Variants in BCORL1 observed in about 807,000 individuals in gnomAD.
The protein encoded by BCORL1 is BCL6 corepressor like 1.
Under a neutral mutation model 87.6 loss-of-function variants are expected in BCORL1, and 7 were observed. The ratio of observed to expected loss-of-function variants is 0.08; its 90% CI spans 0.05 to 0.15. BCORL1 has a LOEUF of 0.15. BCORL1 is among the 10% of genes least tolerant of loss of function. The probability of loss-of-function intolerance (pLI) is 1.00; values close to 1 mark genes in which losing one functional copy is unlikely to be tolerated. For synonymous variants in BCORL1, 591 were observed against 634.4 expected (o/e 0.93, Z 1.03); for missense variants, 1,215 against 1,499.7 (o/e 0.81, Z 3.13).
rs185383485 is a variant in BCORL1, at chrX:130,035,954, G to A, written c.4527+1278G>A. The stretch of plus-strand genomic sequence containing the variant: ...TCTATATACAGCCAGCAGCACCCCT[G>A]ACACAGGCTGCACACACAGCCGCTC... On this transcript the variant is annotated intron_variant, in intron 9 of 13. Transcript: ENST00000540052. Among the ~76,000 whole-genome samples the A allele has an allele frequency of 6.6e-4, 75 of 112,904 alleles. 1 individual carries two copies. The East Asian group carries it at 0.018, about 27-fold the overall frequency.
In BCORL1 at chrX:130,002,737, C is replaced by A. The variant is rs180985435; in HGVS notation, c.-44-2451C>A. Among the ~76,000 whole-genome samples the A allele has an allele frequency of 3.9e-5, 4 of 102,933 alleles. No individual in the cohort carries two copies. In the East Asian group the frequency reaches 9.3e-4, roughly 24 times the overall value. The allele number at this position is 102,933 out of a possible 115,157, so 89.4% of individuals were successfully genotyped here. ...GAGGAGAAAGGCAAGAGGTGAACAGCTGGGAAAATAATAGGGGAGAGAAAG... is the reference window on the plus strand; with the variant it reads ...GAGGAGAAAGGCAAGAGGTGAACAGATGGGAAAATAATAGGGGAGAGAAAG... On this transcript the variant is annotated intron_variant, in intron 1 of 13. Transcript: ENST00000540052.
chrX:129,984,553 T>A (rs1603052689), intron 1 of BCORL1, among the ~76,000 whole-genome samples: 1 of 106,661 alleles, frequency 9.4e-6, no homozygotes, highest in Admixed American at 9.6e-5. Flanking sequence ...GATAGGGAGG[T>A]GAACTGGTCG....
chrX:129,993,934 C>CT (rs1263876284), intron 1 of BCORL1, among the ~76,000 whole-genome samples: 2 of 109,313 alleles, frequency 1.8e-5, no homozygotes, highest in African/African-American at 3.3e-5. Context: ...ACAGATGCCC[C>CT]CCCACCATGC....
rs192865328 is a variant in BCORL1, at chrX:130,030,372, G to A, written c.4305+1511G>A. 5.3e-4 allele frequency among the ~76,000 whole-genome samples: 59 copies of A among 111,658 alleles called. 1 individual carries two copies. The highest frequency in any genetic ancestry group is 4.3e-3 in the Admixed American group (45 of 10,493). On this transcript the variant is annotated intron_variant, in intron 8 of 13. Transcript: ENST00000540052. ...GGTCTGTGCCAAGCAGTTCATTCAC[G>A]TTATCGCTCTTAATTCCCGCAGTGG...
In BCORL1 at chrX:130,014,008, G is replaced by T. The variant is rs747597916; in HGVS notation, c.1236G>T (p.Pro412=). 1 of 1,208,307 alleles carries T rather than the reference G, an allele frequency of 8.3e-7. No homozygotes were observed. Among genetic ancestry groups the T allele is most frequent in the Non-Finnish European group, 1.1e-6 (1 of 894,543 alleles). ...CCATTCCCACCTCTGCACCCATCCC[G>T]GCCTCCTTCAGTTTGAGTAGAGTGT... The part of the protein sequence containing the change: ...PAAIPTSAPI[P]ASFSLSRVCF... Residue 412 remains proline, a synonymous_variant, in exon 4 of 14, where the codon CCG becomes CCT. Coordinates refer to ENST00000540052, the MANE Select transcript of BCORL1 (RefSeq NM_001379451.1).
At chrX:130,023,458 T>C (rs1929992600) in intron 6 of BCORL1, among the ~76,000 whole-genome samples, 1 of 112,134 alleles carries the variant, frequency 8.9e-6, no homozygotes, top group Non-Finnish European at 1.9e-5. Flanking sequence ...GGTCAACCTC[T>C]AGGGACTAAA....
intron 7 of BCORL1, among the ~76,000 whole-genome samples, chrX:130,027,471 GAT>G (rs1181154148): frequency 8.9e-6 from 1 of 112,247 alleles, no homozygotes; most frequent in Non-Finnish European, 1.9e-5. Flanking sequence ...TCCACATCTG[GAT>G]CTGCCTTTGT....
At chrX:129,997,748 C>T (rs771664300) in intron 1 of BCORL1, among the ~76,000 whole-genome samples, 8 of 98,451 alleles carry the variant, frequency 8.1e-5, no homozygotes, top group Admixed American at 5.8e-4. Context: ...GCCAACATCG[C>T]GCCATTGCAC....
chrX:130,012,550 C>T (rs764469023), intron 2 of BCORL1, 28 bp from the exon 3 acceptor site: 1 of 1,172,554 alleles, frequency 8.5e-7, no homozygotes, highest in Non-Finnish European at 1.2e-6. Flanking sequence ...GCCTCATGTC[C>T]CTTCTCTGGT....
chrX:130,015,636 G>A lies in BCORL1; in HGVS notation c.2864G>A (p.Ser955Asn), dbSNP rs1321729120. 8.3e-7 allele frequency: 1 copy of A among 1,211,990 alleles called. No homozygotes were observed. Among genetic ancestry groups the A allele is most frequent in the Admixed American group, 2.2e-5 (1 of 46,093 alleles). ...RMNQGPEESE[S>N]HLCSDSTPKM... ...AATCAGGGGCCTGAGGAATCAGAGA[G>A]CCACCTCTGCTCTGACAGCACTCCT... Residue 955 changes from serine to asparagine, a missense_variant, in exon 4 of 14, where the codon AGC (serine) becomes AAC (asparagine). By Grantham distance (46) the Ser-to-Asn change is conservative (BLOSUM62 1). Coordinates refer to ENST00000540052, the MANE Select transcript of BCORL1 (RefSeq NM_001379451.1).
Position 130,025,219 on chromosome X carries a change from G to C in BCORL1, c.3918G>C (p.Glu1306Asp). 1 of 1,211,071 alleles carries C rather than the reference G, an allele frequency of 8.3e-7. No individual in the cohort carries two copies. The highest frequency in any genetic ancestry group is 1.1e-6 in the Non-Finnish European group (1 of 895,105). The change falls in exon 7 of 14, where the codon GAG becomes GAC. Residue 1306 changes from glutamate to aspartate, a missense_variant. Physicochemically the swap from Glu to Asp is conservative, Grantham distance 45 (BLOSUM62 2). Coordinates refer to ENST00000540052, the MANE Select transcript of BCORL1 (RefSeq NM_001379451.1). Reference sequence around the variant, plus strand: ...CCCGAGAAATGCCCTGGAGGACAGAGGCTGCCCGGCAAATGTGGGACACCA... The same window carrying C: ...CCCGAGAAATGCCCTGGAGGACAGACGCTGCCCGGCAAATGTGGGACACCA... ...WRAREMPWRT[E>D]AARQMWDTNE...
chrX:129,984,065 G>C (rs1258811387), intron 1 of BCORL1, among the ~76,000 whole-genome samples: 1 of 94,434 alleles, frequency 1.1e-5, no homozygotes, highest in Admixed American at 1.1e-4. Flanking sequence ...GGAGTGGGAG[G>C]GCTTAGTGGT....
At chrX:129,998,886 T>C (rs987402150) in intron 1 of BCORL1, among the ~76,000 whole-genome samples, 2 of 111,313 alleles carry the variant, frequency 1.8e-5, no homozygotes, top group Non-Finnish European at 3.8e-5. Context: ...GAAGTGGCGC[T>C]CCTGGGACAA....
At chrX:129,980,538 G>A (rs1427360709), upstream of BCORL1, among the ~76,000 whole-genome samples, 1 of 112,133 alleles carries the variant, frequency 8.9e-6, no homozygotes, top group Non-Finnish European at 1.9e-5. Flanking sequence ...GCGAGTCGCG[G>A]CAACACTGCC....
At chrX:130,045,804 G>T (rs1931709052) in intron 11 of BCORL1, among the ~76,000 whole-genome samples, 1 of 109,517 alleles carries the variant, frequency 9.1e-6, no homozygotes, top group Admixed American at 9.8e-5. Context: ...TTTTTGTAGA[G>T]ACTGGGTTTT....
intron 1 of BCORL1, among the ~76,000 whole-genome samples, chrX:129,996,589 T>C (rs889450066): frequency 9.0e-6 from 1 of 111,652 alleles, no homozygotes; most frequent in East Asian, 2.8e-4. Flanking sequence ...GAAGTACTTG[T>C]CAGCTGCATG....
chrX:130,043,916 C>T (rs184187545), intron 11 of BCORL1, among the ~76,000 whole-genome samples: 5,567 of 101,532 alleles, frequency 0.055, 425 homozygotes, highest in African/African-American at 0.19. Flanking sequence ...ACTACAGTCG[C>T]CCGCCACCAT....
chrX:130,037,200 T>C (rs755044936), intron 9 of BCORL1, among the ~76,000 whole-genome samples, 167 bp from the exon 10 acceptor site: 137 of 110,943 alleles, frequency 1.2e-3, no homozygotes, highest in Non-Finnish European at 7.4e-4. Context: ...GTCCTGGCAA[T>C]TGTGGCTCAG....
chrX:130,037,601 T>A, intron 10 of BCORL1, 68 bp downstream of exon 10: 1 of 1,108,659 alleles, frequency 9.0e-7, no homozygotes, highest in South Asian at 2.1e-5. Context: ...CAAAAGACCT[T>A]GCCTGCCGCT....
Sources: gnomAD v4.1 joint callset for allele counts (sites outside exome capture counted in the v4.1 genomes callset) on GRCh38, gnomAD v4.1.1 for gene constraint, MANE v1.5 for transcripts, NCBI Gene and HGNC (gene_info 2026-07-23, HGNC 2026-07-21) for gene names.